Variants in ZNF771 observed in about 807,000 individuals in gnomAD.
ZNF771 encodes zinc finger protein 771, also known as mesenchymal stem cell protein DSC43.
A neutral mutation model predicts 27.6 loss-of-function variants in ZNF771; 10 were observed. The observed-to-expected ratio is 0.36, with a 90% CI of 0.22 to 0.61. The LOEUF (loss-of-function observed/expected upper bound fraction) is 0.61, where lower values mean the gene tolerates loss of function less well. ZNF771 is among the 20% of genes least tolerant of loss of function. The pLI is 0.70. For missense variants in ZNF771, 438 were observed against 503.7 expected (o/e 0.87, Z 1.25); for synonymous variants, 261 against 225.2 (o/e 1.16, Z -1.43).
At position 30,417,854 on chromosome 16, in the gene ZNF771, C is replaced by G. The variant is rs1367021597; in HGVS notation, c.441C>G (p.Tyr147Ter). The stretch of plus-strand genomic sequence containing the variant: ...GGCGGCACACGGGCGAGAAGCCGTA[C>G]GCATGCGCGCACTGCGGCCGCCGCT... ...HRRRHTGEKP[Y>*]ACAHCGRRFA... The change falls in exon 3 of 3, where the codon TAC (tyrosine) becomes TAG (stop). Residue 147 changes from tyrosine (Y) to a stop codon, truncating the protein, a stop_gained. Transcript: ENST00000319296. LOFTEE classifies it high-confidence loss of function. 1 of 1,506,166 alleles carries G rather than the reference C, an allele frequency of 6.6e-7. No homozygotes were observed. The highest frequency in any genetic ancestry group is 2.1e-5 in the Admixed American group (1 of 46,750). 93.3% of individuals were successfully genotyped at this position (1,506,166 alleles called of 1,614,324 possible). A position where few individuals can be genotyped will look rare whatever the true frequency, so the allele number is the denominator to read the frequency against.
chr16:30,412,904 C>G (rs1391418867), intron 2 of ZNF771, among the ~76,000 whole-genome samples: 2 of 152,172 alleles, frequency 1.3e-5, no homozygotes, highest in African/African-American at 4.8e-5. Context: ...AGCTGAATAG[C>G]CTTGCCTTGT....
At chr16:30,407,966 C>A in intron 1 of ZNF771, 79 bp from the exon 2 acceptor site, 1 of 1,095,094 alleles carries the variant, frequency 9.1e-7, no homozygotes, top group Non-Finnish European at 1.2e-6. Context: ...CACTGCCTTG[C>A]TGGGCCAGGG....
chr16:30,418,228 C>T lies in ZNF771; in HGVS notation c.815C>T (p.Ser272Leu). Residue 272 changes from serine to leucine, a missense_variant, in exon 3 of 3, where the codon TCG becomes TTG. Ser to Leu is a moderately radical substitution (Grantham distance 145). This residue lies in a region of ZNF771 where 305 missense variants were observed against 308.0 expected (regional missense o/e 0.99). Transcript: ENST00000319296. ...AECGRRFRLSSHFIRHRRAHM... is the reference protein window; with the variant it reads ...AECGRRFRLSLHFIRHRRAHM... ...TGCGGCCGCCGCTTCCGCCTAAGCT[C>T]GCACTTCATTCGCCACCGACGCGCG... is the stretch of plus-strand genomic sequence containing the variant. 1 of 1,515,570 alleles carries T rather than the reference C, an allele frequency of 6.6e-7. No homozygotes were observed. The highest frequency in any genetic ancestry group is 8.8e-7 in the Non-Finnish European group (1 of 1,138,732). The allele number at this position is 1,515,570 out of a possible 1,614,324, so 93.9% of individuals were successfully genotyped here.
intron 2 of ZNF771, among the ~76,000 whole-genome samples, chr16:30,416,920 T>TAAA (rs34982677): frequency 6.9e-5 from 7 of 100,810 alleles, no homozygotes; most frequent in Non-Finnish European, 1.0e-4. Flanking sequence ...CCCTGTCTCT[T>TAAA]AAAAAAAAAA....
intron 2 of ZNF771, among the ~76,000 whole-genome samples, chr16:30,413,187 T>C (rs905726623): frequency 4.6e-5 from 7 of 152,260 alleles, no homozygotes; most frequent in African/African-American, 1.7e-4. Flanking sequence ...ATTATATTAT[T>C]ACACTACATT....
intron 2 of ZNF771, among the ~76,000 whole-genome samples, 177 bp from the exon 3 acceptor site, chr16:30,417,378 G>A (rs2050139791): frequency 6.6e-6 from 1 of 152,256 alleles, no homozygotes; most frequent in Admixed American, 6.5e-5. Flanking sequence ...TTTGTGATGT[G>A]TGCGTTACGC....
intron 2 of ZNF771, chr16:30,413,728 C>T: frequency 4.2e-6 from 1 of 239,868 alleles, no homozygotes; most frequent in Non-Finnish European, 8.8e-6. Flanking sequence ...CCCCACCACA[C>T]CTGGCTAATT....
chr16:30,412,599 C>T (rs2050110005), intron 2 of ZNF771, among the ~76,000 whole-genome samples: 1 of 152,046 alleles, frequency 6.6e-6, no homozygotes, highest in Non-Finnish European at 1.5e-5. Flanking sequence ...TCGAGACCAG[C>T]CTGGGCAACA....
chr16:30,411,536 G>A (rs2050103506), intron 2 of ZNF771, among the ~76,000 whole-genome samples: 1 of 152,180 alleles, frequency 6.6e-6, no homozygotes, highest in African/African-American at 2.4e-5. Flanking sequence ...GCCAGATTGT[G>A]AATGGTATCA....
chr16:30,418,459 T>C lies in ZNF771; in HGVS notation c.*92T>C, dbSNP rs995328269. On this transcript the variant is annotated 3_prime_UTR_variant, in exon 3 of 3. Coordinates refer to ENST00000319296, the MANE Select transcript of ZNF771 (RefSeq NM_001142305.2). ...CGCCCCGGCCTCCGGGTCTGGGAAA[T>C]TGAGGGGACGGCAGGCCCGGCTGCC... 1 of 1,274,642 alleles carries C rather than the reference T, an allele frequency of 7.8e-7. No individual in the cohort carries two copies. The highest frequency in any genetic ancestry group is 1.6e-5 in the African/African-American group (1 of 63,288). 79.0% of individuals were successfully genotyped at this position (1,274,642 alleles called of 1,614,324 possible).
At chr16:30,409,913 T>A (rs1597029857) in intron 2 of ZNF771, among the ~76,000 whole-genome samples, 1 of 152,262 alleles carries the variant, frequency 6.6e-6, no homozygotes, top group East Asian at 1.9e-4. Context: ...ACGCCTCAGT[T>A]TCCTCATTTG....
chr16:30,413,086 G>C (rs1227614206), intron 2 of ZNF771, among the ~76,000 whole-genome samples: 2 of 152,212 alleles, frequency 1.3e-5, no homozygotes, highest in African/African-American at 4.8e-5. Context: ...AATTAGAGAA[G>C]TAATGGCTAA....
intron 2 of ZNF771, among the ~76,000 whole-genome samples, chr16:30,417,081 C>T (rs1196502923): frequency 6.6e-6 from 1 of 152,246 alleles, no homozygotes; most frequent in Non-Finnish European, 1.5e-5. Flanking sequence ...CCTCTGCGCC[C>T]TGCCGTTCCC....
chr16:30,408,081 G>C lies in ZNF771; in HGVS notation c.28G>C (p.Glu10Gln). ...GCCTGGCGAACAGCAGGCAGAGGAA[G>C]AGGAGGAGGAAGAGATGCAGGAGGA... Reference protein sequence around the residue: MPGEQQAEEEEEEEMQEEMV... With the variant: MPGEQQAEEQEEEEMQEEMV... The change falls in exon 2 of 3, where the codon GAG becomes CAG. Residue 10 changes from glutamate to glutamine, a missense_variant. By Grantham distance (29) the Glu-to-Gln change is conservative. Coordinates refer to ENST00000319296, the MANE Select transcript of ZNF771 (RefSeq NM_001142305.2). 6.2e-7 allele frequency: 1 copy of C among 1,608,892 alleles called. No individual in the cohort carries two copies. Among genetic ancestry groups the C allele is most frequent in the Non-Finnish European group, 8.5e-7 (1 of 1,177,340 alleles).
chr16:30,411,280 C>T (rs1209752516), intron 2 of ZNF771, among the ~76,000 whole-genome samples: 2 of 151,218 alleles, frequency 1.3e-5, no homozygotes, highest in Admixed American at 6.6e-5. Flanking sequence ...GATTGCACCG[C>T]TGCACTCCAG....
intron 2 of ZNF771, among the ~76,000 whole-genome samples, chr16:30,411,511 T>A (rs1421347858): frequency 6.6e-6 from 1 of 152,178 alleles, no homozygotes; most frequent in Admixed American, 6.6e-5. Flanking sequence ...TGGCTAGTCA[T>A]GAAAGGCACA....
At chr16:30,419,407 TAAAAAAAGAA>T (rs2050155566) in exon 3 of ZNF771, 1 of 152,520 alleles carries the variant, frequency 6.6e-6, no homozygotes, top group African/African-American at 2.4e-5. Context: ...CCCCATCTAT[TAAAAAAAGAA>T]AAAAAAAGGC....
chr16:30,410,932 G>C (rs985417102), intron 2 of ZNF771, among the ~76,000 whole-genome samples: 1 of 151,364 alleles, frequency 6.6e-6, no homozygotes, highest in Non-Finnish European at 1.5e-5. Flanking sequence ...AGCTACTCTG[G>C]AGGCTGAATG....
chr16:30,410,552 G>T (rs2050098492), intron 2 of ZNF771, among the ~76,000 whole-genome samples: 1 of 152,094 alleles, frequency 6.6e-6, no homozygotes, highest in Non-Finnish European at 1.5e-5. Context: ...GGCCTTGAAG[G>T]CTTTGCAGGG....
Sources: allele counts gnomAD v4.1 joint callset (sites outside exome capture counted in the v4.1 genomes callset), GRCh38; gene constraint gnomAD v4.1.1; regional missense constraint gnomAD v4.1.1; transcripts MANE v1.5; gene names NCBI Gene and HGNC (gene_info 2026-07-23, HGNC 2026-07-21).